Variants in TYW1B observed in about 807,000 individuals in gnomAD.
TYW1B encodes S-adenosyl-L-methionine-dependent tRNA 4-demethylwyosine synthase TYW1B.
A neutral mutation model predicts 86.9 loss-of-function variants in TYW1B; 73 were observed. That is an observed-to-expected ratio of 0.84 (90% CI 0.70 to 1.02). The LOEUF (loss-of-function observed/expected upper bound fraction) is 1.02. TYW1B is among the 50% of genes least tolerant of loss of function. The probability of loss-of-function intolerance (pLI) is 0.00; values close to 1 mark genes in which losing one functional copy is unlikely to be tolerated. For synonymous variants in TYW1B, 248 were observed against 292.8 expected, an observed-to-expected ratio of 0.85 and a Z score of 1.56; for missense variants, 637 against 827.4, an observed-to-expected ratio of 0.77 and a Z score of 2.82.
At chr7:72,632,399 T>TAATATATATATACATATATATAA in intron 11 of TYW1B, among the ~76,000 whole-genome samples, 1 of 94,484 alleles carries the variant, frequency 1.1e-5, no homozygotes, top group African/African-American at 7.5e-5. Context: ...TATATATATA[T>TAATATATATATACATATATATAA]AATATATATA....
chr7:72,628,741 T>C, intron 12 of TYW1B, 146 bp downstream of exon 12: 1 of 635,246 alleles, frequency 1.6e-6, no homozygotes, highest in Non-Finnish European at 2.7e-6. Flanking sequence ...TTCCAGGTTC[T>C]TGATGAATAT....
At chr7:72,719,748 G>A (rs531354951) in intron 9 of TYW1B, among the ~76,000 whole-genome samples, 2 of 152,194 alleles carry the variant, frequency 1.3e-5, no homozygotes, top group African/African-American at 4.8e-5. Context: ...CTGTCAATCA[G>A]GCTGGTCAGG....
At chr7:72,762,694 C>G (rs533470118) in intron 7 of TYW1B, among the ~76,000 whole-genome samples, 1 of 152,232 alleles carries the variant, frequency 6.6e-6, no homozygotes, top group African/African-American at 2.4e-5. Context: ...GTGTCCCACT[C>G]TGTCACCCAG....
intron 7 of TYW1B, among the ~76,000 whole-genome samples, chr7:72,764,270 T>C (rs1219830431): frequency 2.0e-5 from 3 of 152,186 alleles, no homozygotes; most frequent in Non-Finnish European, 4.4e-5. Context: ...CTGCTTTTTA[T>C]GAAAATGACT....
At chr7:72,667,629 G>A (rs192444910) in intron 11 of TYW1B, among the ~76,000 whole-genome samples, 383 of 152,236 alleles carry the variant, frequency 2.5e-3, no homozygotes, top group South Asian at 6.8e-3. Flanking sequence ...CAGGAGGATC[G>A]CTTGAGCCGG....
chr7:72,637,539 AG>A (rs1554440931), intron 11 of TYW1B, among the ~76,000 whole-genome samples: 1 of 152,044 alleles, frequency 6.6e-6, no homozygotes, highest in African/African-American at 2.4e-5. Flanking sequence ...TAAACTTGCC[AG>A]GTAATCATCA....
At chr7:72,725,626 T>C (rs1243069208) in intron 9 of TYW1B, among the ~76,000 whole-genome samples, 1 of 152,158 alleles carries the variant, frequency 6.6e-6, no homozygotes, top group Admixed American at 6.6e-5. Flanking sequence ...GTAAAGTAGA[T>C]TGCCCGTCAT....
rs1264181979 is a variant in TYW1B, at chr7:72,828,147, A to T, written c.-72T>A. The T allele has an allele frequency of 1.9e-6, 3 of 1,605,228 alleles. No homozygotes were observed. In the Admixed American group the frequency reaches 5.2e-5, roughly 28 times the overall value. Reference sequence around the variant, plus strand: ...CAAAGGTTCGCACTGGTACTGCGAGACGCACCGAGCTACCTCGCGGCGTTA... The same window carrying T: ...CAAAGGTTCGCACTGGTACTGCGAGTCGCACCGAGCTACCTCGCGGCGTTA... On this transcript the variant is annotated 5_prime_UTR_variant, in exon 1 of 14. Coordinates refer to ENST00000620995, the MANE Select transcript of TYW1B (RefSeq NM_001145440.3).
At chr7:72,826,222 T>A (rs569803975) in intron 2 of TYW1B, among the ~76,000 whole-genome samples, 1 of 152,352 alleles carries the variant, frequency 6.6e-6, no homozygotes, top group African/African-American at 2.4e-5. Context: ...ATTTTTCCTG[T>A]AAGTTCCTGC....
At chr7:72,764,142 T>C (rs934925902) in intron 7 of TYW1B, among the ~76,000 whole-genome samples, 1 of 152,188 alleles carries the variant, frequency 6.6e-6, no homozygotes, top group African/African-American at 2.4e-5. Context: ...CTAAATTCCT[T>C]GTCAACTGGG....
intron 2 of TYW1B, among the ~76,000 whole-genome samples, chr7:72,821,959 ATT>A (rs1554480529): frequency 2.0e-5 from 3 of 152,024 alleles, no homozygotes; most frequent in African/African-American, 7.2e-5. Flanking sequence ...AGAAACAGAA[ATT>A]TAGGGCCAGG....
chr7:72,627,663 G>T (rs1210736983), intron 12 of TYW1B, among the ~76,000 whole-genome samples: 2 of 152,016 alleles, frequency 1.3e-5, no homozygotes, highest in Non-Finnish European at 2.9e-5. Context: ...GCAAAAATGT[G>T]AGAGGCAAGC....
chr7:72,606,615 C>CCCCA (rs1554434910), intron 13 of TYW1B, among the ~76,000 whole-genome samples: 13 of 148,970 alleles, frequency 8.7e-5, no homozygotes, highest in African/African-American at 3.2e-4. Context: ...AGGCCCCCCC[C>CCCCA]CCGCCTCCAT....
chr7:72,611,098 G>A (rs1554435832), intron 13 of TYW1B, among the ~76,000 whole-genome samples: 1 of 151,982 alleles, frequency 6.6e-6, no homozygotes, highest in Non-Finnish European at 1.5e-5. Context: ...TGCTTGTTCT[G>A]TTTCTGCTTA....
At chr7:72,581,292 A>AG (rs1290734117) in intron 13 of TYW1B, among the ~76,000 whole-genome samples, 3 of 147,394 alleles carry the variant, frequency 2.0e-5, no homozygotes, top group African/African-American at 7.6e-5. Flanking sequence ...CTGGACCACC[A>AG]GGGACCATTG....
intron 11 of TYW1B, among the ~76,000 whole-genome samples, chr7:72,639,224 G>A (rs1429450471): frequency 6.6e-6 from 1 of 151,584 alleles, no homozygotes; most frequent in Non-Finnish European, 1.5e-5. Flanking sequence ...AGTGATAATG[G>A]TATTGTGTTT....
At chr7:72,778,987 G>C (rs1554471156) in intron 6 of TYW1B, among the ~76,000 whole-genome samples, 1 of 151,710 alleles carries the variant, frequency 6.6e-6, no homozygotes, top group African/African-American at 2.4e-5. Context: ...ATCTTTTTGG[G>C]AATGGCAGAG....
intron 13 of TYW1B, among the ~76,000 whole-genome samples, chr7:72,578,509 T>C (rs192489312): frequency 6.6e-6 from 1 of 152,262 alleles, no homozygotes; most frequent in African/African-American, 2.4e-5. Context: ...ATTTTGCTGC[T>C]ACTGGCTCCA....
chr7:72,668,325 C>CA (rs1220383260), intron 11 of TYW1B, among the ~76,000 whole-genome samples: 5 of 152,066 alleles, frequency 3.3e-5, no homozygotes, highest in African/African-American at 7.2e-5. Flanking sequence ...GCATATATAT[C>CA]AAAAAATGCT....
Sources: allele counts gnomAD v4.1 joint callset (sites outside exome capture counted in the v4.1 genomes callset), GRCh38; gene constraint gnomAD v4.1.1; transcripts MANE v1.5; gene names NCBI Gene and HGNC (gene_info 2026-07-23, HGNC 2026-07-21).